The following STX18 variants were observed in gnomAD, a reference collection of about 807,000 sequenced individuals.
STX18 encodes the protein syntaxin-18.
STX18 carries 40 observed loss-of-function variants against 50.1 expected under a neutral mutation model. The ratio of observed to expected loss-of-function variants is 0.80; its 90% CI spans 0.62 to 1.04. The LOEUF (loss-of-function observed/expected upper bound fraction) is 1.04. Ranked by LOEUF, STX18 falls within the 50% of genes least tolerant of loss-of-function variation. The pLI, the probability that STX18 is intolerant of heterozygous loss-of-function variation, is 0.00. For synonymous variants in STX18, 158 were observed against 151.8 expected (o/e 1.04, Z -0.30); for missense variants, 410 against 415.8 (o/e 0.99, Z 0.12).
chr4:4,421,670 CA>C (rs1400488345), intron 9 of STX18, among the ~76,000 whole-genome samples: 2 of 152,206 alleles, frequency 1.3e-5, no homozygotes, highest in African/African-American at 4.8e-5. Flanking sequence ...CACCATATGC[CA>C]GGGGCTTCCC....
intron 1 of STX18, among the ~76,000 whole-genome samples, chr4:4,534,078 G>A (rs1435055270): frequency 6.6e-6 from 1 of 152,136 alleles, no homozygotes; most frequent in African/African-American, 2.4e-5. Context: ...GCTGAGACAG[G>A]TCTCAATCTC....
intron 5 of STX18, among the ~76,000 whole-genome samples, chr4:4,454,273 T>C (rs1038383315): frequency 6.6e-6 from 1 of 152,244 alleles, no homozygotes; most frequent in Non-Finnish European, 1.5e-5. Context: ...CAAGGTCTTT[T>C]GTGCAAAGTA....
At chr4:4,446,561 A>G (rs938692091) in intron 5 of STX18, among the ~76,000 whole-genome samples, 1 of 152,262 alleles carries the variant, frequency 6.6e-6, no homozygotes, top group Non-Finnish European at 1.5e-5. Context: ...AAAGGTGATT[A>G]ACAATATTAG....
intron 1 of STX18, chr4:4,507,314 C>T: frequency 1.4e-6 from 1 of 730,426 alleles, no homozygotes; most frequent in Non-Finnish European, 2.6e-6. Context: ...GACCTCAAGG[C>T]TCAGCTCACA....
At chr4:4,500,157 G>A (rs1011084203) in intron 1 of STX18, among the ~76,000 whole-genome samples, 2 of 151,974 alleles carry the variant, frequency 1.3e-5, no homozygotes, top group Non-Finnish European at 2.9e-5. Context: ...GAGAGTTTAC[G>A]AGATATGCAA....
chr4:4,475,865 C>T (rs188927999), intron 1 of STX18, among the ~76,000 whole-genome samples: 1 of 152,172 alleles, frequency 6.6e-6, no homozygotes, highest in Non-Finnish European at 1.5e-5. Flanking sequence ...AAGTGATCCT[C>T]CCCCCTTGGC....
At chr4:4,507,917 T>C in intron 1 of STX18, 2 of 505,216 alleles carry the variant, frequency 4.0e-6, no homozygotes, top group South Asian at 5.6e-5. Context: ...AAGCATTCCG[T>C]ATTTACTGCC....
chr4:4,437,955 A>G (rs1490413010), intron 6 of STX18, among the ~76,000 whole-genome samples: 1 of 152,236 alleles, frequency 6.6e-6, no homozygotes, highest in Admixed American at 6.5e-5. Context: ...GCAGCACGTC[A>G]ATTCAGATTT....
intron 6 of STX18, among the ~76,000 whole-genome samples, chr4:4,435,346 T>A (rs10030215): frequency 0.35 from 53,382 of 152,044 alleles, 13,014 homozygotes; most frequent in African/African-American, 0.7. Flanking sequence ...CTCTCCCAGA[T>A]GTTACTGCTT....
chr4:4,534,953 A>G (rs1458155486), intron 1 of STX18, among the ~76,000 whole-genome samples: 3 of 152,222 alleles, frequency 2.0e-5, no homozygotes, highest in Non-Finnish European at 2.9e-5. Context: ...ACTTCAGTAC[A>G]ACCTCACCCC....
chr4:4,459,512 G>A, intron 2 of STX18, 25 bp from the exon 3 acceptor site: 1 of 1,533,264 alleles, frequency 6.5e-7, no homozygotes. Flanking sequence ...CAAAGGAAAG[G>A]GCAGCAGCAA....
rs113248589 is a variant in STX18 at position 4,501,988 on chromosome 4, C to G, written c.169-30282G>C. On this transcript the variant is annotated intron_variant, in intron 1 of 10. Transcript: ENST00000306200. ...ACTGAAAATCTGTATTAGATTTTCT[C>G]AGAAAAACAGAAAGCTCCAGGATAC... Among the ~76,000 whole-genome samples, 105 of 152,164 alleles carry G rather than the reference C, an allele frequency of 6.9e-4. 1 individual carries two copies. Among genetic ancestry groups the G allele is most frequent in the African/African-American group, 2.5e-3 (103 of 41,498 alleles).
intron 1 of STX18, among the ~76,000 whole-genome samples, chr4:4,520,798 T>A (rs1730472513): frequency 6.6e-6 from 1 of 152,182 alleles, no homozygotes; most frequent in South Asian, 2.1e-4. Flanking sequence ...TAAATAAATG[T>A]ACTCAAAGCA....
intron 1 of STX18, among the ~76,000 whole-genome samples, chr4:4,535,681 A>C (rs1336018763): frequency 6.6e-6 from 1 of 152,182 alleles, no homozygotes; most frequent in Non-Finnish European, 1.5e-5. Context: ...TTTAAAAAGA[A>C]ATCTATATGA....
At chr4:4,443,037 G>A (rs1726205224) in intron 5 of STX18, among the ~76,000 whole-genome samples, 1 of 152,204 alleles carries the variant, frequency 6.6e-6, no homozygotes, top group South Asian at 2.1e-4. Flanking sequence ...TACTGGGTAG[G>A]TCAGGCTGTG....
intron 1 of STX18, among the ~76,000 whole-genome samples, chr4:4,515,443 T>C (rs1036237103): frequency 1.3e-5 from 2 of 152,188 alleles, no homozygotes; most frequent in African/African-American, 4.8e-5. Context: ...TTAAATACTT[T>C]GAACTGGCTG....
chr4:4,498,538 C>T (rs908610890), intron 1 of STX18, among the ~76,000 whole-genome samples: 2 of 152,100 alleles, frequency 1.3e-5, no homozygotes, highest in Admixed American at 6.5e-5. Flanking sequence ...AAAGTAAGCA[C>T]CTGTGTTTGG....
intron 1 of STX18, among the ~76,000 whole-genome samples, chr4:4,520,089 G>C (rs1234206570): frequency 6.6e-6 from 1 of 152,202 alleles, no homozygotes; most frequent in Non-Finnish European, 1.5e-5. Flanking sequence ...CATTGGAAGA[G>C]AATTGAAGTG....
intron 2 of STX18, among the ~76,000 whole-genome samples, chr4:4,468,185 CTTTT>C (rs926131913): frequency 5.3e-5 from 8 of 152,150 alleles, no homozygotes; most frequent in African/African-American, 1.7e-4. Flanking sequence ...TGCAGAAACC[CTTTT>C]TTTTCCTCCT....
Sources: allele counts gnomAD v4.1 joint callset (sites outside exome capture counted in the v4.1 genomes callset), GRCh38; gene constraint gnomAD v4.1.1; transcripts MANE v1.5; gene names NCBI Gene and HGNC (gene_info 2026-07-23, HGNC 2026-07-21).